Variants in CIT observed in about 807,000 individuals in gnomAD.
CIT encodes citron Rho-interacting kinase.
Under a neutral mutation model 272.7 loss-of-function variants are expected in CIT, and 79 were observed. The ratio of observed to expected loss-of-function variants is 0.29; its 90% CI spans 0.24 to 0.35. The LOEUF (loss-of-function observed/expected upper bound fraction) is 0.35. Ranked by LOEUF, CIT falls within the 10% of genes least tolerant of loss-of-function variation. CIT has a pLI of 1.00. For missense variants in CIT, 1,909 were observed against 2,618.3 expected (o/e 0.73, Z 5.91); for synonymous variants, 948 against 995.6 (o/e 0.95, Z 0.90).
At chr12:119,787,730 C>CAAAAAAAAAAA (rs61554565) in intron 10 of CIT, among the ~76,000 whole-genome samples, 1 of 49,048 alleles carries the variant, frequency 2.0e-5, no homozygotes, top group Non-Finnish European at 3.5e-5. Flanking sequence ...GACTCCGTCT[C>CAAAAAAAAAAA]AAAAAAAAAA....
In CIT at chr12:119,690,486, G is replaced by C. The variant is rs1470197847; in HGVS notation, c.5883-32C>G. ...ACACAAGAGGAACGTAGGGAGCTGCGAGGCCACAACCCCAGAGGGGCATTT... is the reference window on the plus strand; with the variant it reads ...ACACAAGAGGAACGTAGGGAGCTGCCAGGCCACAACCCCAGAGGGGCATTT... On this transcript the variant is annotated intron_variant, in intron 46 of 47. Transcript: ENST00000392521. The surrounding 1 kb of genome is among the most constrained non-coding windows in gnomAD (Gnocchi z 6.0). 1 of 1,536,246 alleles carries C rather than the reference G, an allele frequency of 6.5e-7. No individual in the cohort carries two copies.
intron 2 of CIT, among the ~76,000 whole-genome samples, chr12:119,871,923 T>C (rs1214428461): frequency 6.6e-6 from 1 of 152,226 alleles, no homozygotes. Context: ...TCTGTCACTT[T>C]AGTAATAGTT....
At chr12:119,757,219 C>A (rs1285561462) in intron 22 of CIT, 152 bp downstream of exon 22, 5 of 978,852 alleles carry the variant, frequency 5.1e-6, no homozygotes, top group East Asian at 2.4e-5. Flanking sequence ...AGGTTCCTTG[C>A]CTCCAGACCC....
chr12:119,690,188 G>T lies in CIT; in HGVS notation c.6149C>A (p.Ala2050Glu). The part of the protein sequence containing the change: ...FEDSSRGRLP[A>E]GAVRTPLSQV... Reference sequence around the variant, plus strand: ...GGACAGCGGGGTCCTCACGGCTCCCGCAGGCAGCCGGCCCCTGCTGCTGTC... The same window carrying T: ...GGACAGCGGGGTCCTCACGGCTCCCTCAGGCAGCCGGCCCCTGCTGCTGTC... The change falls in exon 47 of 48, where the codon GCG becomes GAG. Residue 2050 changes from alanine to glutamate, a missense_variant. Coordinates refer to ENST00000392521, the MANE Select transcript of CIT (RefSeq NM_001206999.2). The surrounding 1 kb of genome is among the most constrained non-coding windows in gnomAD (Gnocchi z 6.0). 1 of 1,487,050 alleles carries T rather than the reference G, an allele frequency of 6.7e-7. No individual in the cohort carries two copies. 92.1% of individuals were successfully genotyped at this position (1,487,050 alleles called of 1,614,324 possible). A position where few individuals can be genotyped will look rare whatever the true frequency, so the allele number is the denominator to read the frequency against.
intron 19 of CIT, 98 bp from the exon 20 acceptor site, chr12:119,761,153 A>C: frequency 1.1e-6 from 1 of 931,758 alleles, no homozygotes; most frequent in South Asian, 1.3e-5. Context: ...AGAGGAGAAA[A>C]GCAGGGGAGA....
intron 3 of CIT, among the ~76,000 whole-genome samples, chr12:119,862,331 T>C (rs745593064): frequency 1.3e-5 from 2 of 152,080 alleles, no homozygotes; most frequent in Non-Finnish European, 2.9e-5. Flanking sequence ...ATAATAAATA[T>C]TTTTAAGGCA....
chr12:119,718,087 A>G lies in CIT; in HGVS notation c.4168+158T>C, dbSNP rs958704988. Among the ~76,000 whole-genome samples the G allele has an allele frequency of 6.0e-5, 9 of 151,230 alleles. No homozygotes were observed. Among genetic ancestry groups the G allele is most frequent in the Non-Finnish European group, 1.3e-4 (9 of 67,748 alleles). ...GCTCCCAACTTCAGGTGATCCGCCC[A>G]CCTCGGCCTCCCAAAGTGCTGGGGT... On this transcript the variant is annotated intron_variant, in intron 32 of 47. Transcript: ENST00000392521. This position sits in a 1 kb window ranked among gnomAD's most constrained non-coding sequence, Gnocchi z 4.8.
intron 10 of CIT, among the ~76,000 whole-genome samples, chr12:119,802,571 C>A (rs1014481107): frequency 6.6e-6 from 1 of 152,142 alleles, no homozygotes; most frequent in Non-Finnish European, 1.5e-5. Context: ...ACATCACACT[C>A]CCTCCTGGTG....
chr12:119,740,412 T>G (rs1027066940), intron 24 of CIT, among the ~76,000 whole-genome samples: 5 of 152,230 alleles, frequency 3.3e-5, no homozygotes, highest in Non-Finnish European at 7.3e-5. Flanking sequence ...GGATAAAATT[T>G]GGATAACCTT....
In CIT at chr12:119,690,355, C is replaced by T; in HGVS notation, c.5982G>A (p.Glu1994=). Residue 1994 remains glutamate (E), a synonymous_variant, in exon 47 of 48, where the codon GAG becomes GAA. Transcript: ENST00000392521. The surrounding 1 kb of genome is among the most constrained non-coding windows in gnomAD (Gnocchi z 6.0). The part of the protein sequence containing the change: ...APPEGPSHPR[E]PSTPHRYREG... ...CGCGGTAGCGGTGGGGTGTGCTTGG[C>T]TCTCGCGGGTGGCTGGGGCCTTCGG... 1 of 1,598,070 alleles carries T rather than the reference C, an allele frequency of 6.3e-7. No individual in the cohort carries two copies. The highest frequency in any genetic ancestry group is 8.5e-7 in the Non-Finnish European group (1 of 1,178,398).
At chr12:119,748,637 T>C (rs1355523668) in intron 23 of CIT, among the ~76,000 whole-genome samples, 1 of 152,246 alleles carries the variant, frequency 6.6e-6, no homozygotes, top group African/African-American at 2.4e-5. Context: ...AATGAGAACG[T>C]GCACTGACTC....
At chr12:119,807,092 T>G (rs1966656227) in intron 9 of CIT, among the ~76,000 whole-genome samples, 1 of 152,350 alleles carries the variant, frequency 6.6e-6, no homozygotes, top group East Asian at 1.9e-4. Flanking sequence ...TTTAATTCTC[T>G]AAGAATCTCA....
chr12:119,861,698 T>A (rs1950343568), intron 3 of CIT, among the ~76,000 whole-genome samples: 1 of 152,236 alleles, frequency 6.6e-6, no homozygotes, highest in Non-Finnish European at 1.5e-5. Flanking sequence ...TATTGCTTCC[T>A]TTTTTGGAAC....
At chr12:119,838,335 T>C (rs759100038) in intron 5 of CIT, among the ~76,000 whole-genome samples, 3 of 152,060 alleles carry the variant, frequency 2.0e-5, no homozygotes, top group Non-Finnish European at 4.4e-5. Context: ...GGTCTCCCAA[T>C]GTGCTGGGAT....
chr12:119,834,519 G>A (rs984477240), intron 5 of CIT, among the ~76,000 whole-genome samples: 2 of 152,180 alleles, frequency 1.3e-5, no homozygotes. Flanking sequence ...CCACCCACAA[G>A]TTGACACCCC....
At chr12:119,800,697 G>GAGAAA (rs1316920211) in intron 10 of CIT, among the ~76,000 whole-genome samples, 1 of 152,180 alleles carries the variant, frequency 6.6e-6, no homozygotes, top group Non-Finnish European at 1.5e-5. Flanking sequence ...TGAAAACGGT[G>GAGAAA]AGAAAAGAAA....
Position 119,834,171 on chromosome 12 carries a change from G to C in CIT, c.574C>G (p.Gln192Glu), listed in dbSNP as rs138095441. 3.2e-4 allele frequency: 512 copies of C among 1,613,908 alleles called. No individual in the cohort carries two copies. The highest frequency in any genetic ancestry group is 1.1e-3 in the South Asian group (102 of 91,048). Reference protein sequence around the residue: ...LLSLLNRYEDQLDENLIQFYL... With the variant: ...LLSLLNRYEDELDENLIQFYL... Reference sequence around the variant, plus strand: ...AACTGTATCAGGTTTTCATCTAACTGGTCCTCATATCTATTCAAAAGTGAC... The same window carrying C: ...AACTGTATCAGGTTTTCATCTAACTCGTCCTCATATCTATTCAAAAGTGAC... Residue 192 changes from glutamine to glutamate, a missense_variant, in exon 6 of 48, where the codon CAG (glutamine) becomes GAG (glutamate). Gln to Glu is a conservative substitution (Grantham distance 29). Coordinates refer to ENST00000392521, the MANE Select transcript of CIT (RefSeq NM_001206999.2).
rs767212111 is a variant in CIT, at chr12:119,712,723, A to C, written c.4580-28T>G. On this transcript the variant is annotated intron_variant, in intron 35 of 47. Coordinates refer to ENST00000392521, the MANE Select transcript of CIT (RefSeq NM_001206999.2). This position sits in a 1 kb window ranked among gnomAD's most constrained non-coding sequence, Gnocchi z 5.2. The stretch of plus-strand genomic sequence containing the variant: ...TGGTGCAAAGAGGAAGGGCAGAAAG[A>C]AAAACAAAAGAACAGGAACAAGAAC... 6.3e-7 allele frequency: 1 copy of C among 1,581,318 alleles called. No individual in the cohort carries two copies.
At chr12:119,826,940 C>T (rs1169970430) in intron 7 of CIT, among the ~76,000 whole-genome samples, 1 of 152,114 alleles carries the variant, frequency 6.6e-6, no homozygotes, top group Non-Finnish European at 1.5e-5. Flanking sequence ...GAAGCTCTTC[C>T]AGCCTGTAAC....
Sources: gnomAD v4.1 joint callset for allele counts (sites outside exome capture counted in the v4.1 genomes callset) on GRCh38, gnomAD v4.1.1 for gene constraint, Gnocchi (gnomAD v3.1) non-coding constraint, MANE v1.5 for transcripts, NCBI Gene and HGNC (gene_info 2026-07-23, HGNC 2026-07-21) for gene names.